Variants in DUOX2 observed in about 807,000 individuals in gnomAD.
The protein encoded by DUOX2 is NADH/NADPH thyroid oxidase p138-tox.
In DUOX2, 185 loss-of-function variants were observed where a neutral mutation model predicts 183.3. The observed-to-expected ratio is 1.01, with a 90% CI of 0.90 to 1.14. The LOEUF (loss-of-function observed/expected upper bound fraction) is 1.14, where lower values mean the gene tolerates loss of function less well. Among genes scored for constraint, DUOX2 ranks in the 50% most tolerant of loss-of-function variants. The pLI is 0.00. For missense variants in DUOX2, 1,999 were observed against 2,022.9 expected, an observed-to-expected ratio of 0.99 and a Z score of 0.23; for synonymous variants, 788 against 812.4, an observed-to-expected ratio of 0.97 and a Z score of 0.51.
At chr15:45,112,942 C>G in intron 3 of DUOX2, 45 bp downstream of exon 3, 1 of 1,606,046 alleles carries the variant, frequency 6.2e-7, no homozygotes, top group Non-Finnish European at 8.5e-7. Flanking sequence ...CGCCCCGGCC[C>G]TTCGCGAGCC....
rs1280484301 is a variant in DUOX2, at chr15:45,106,207, G to A, written c.2066C>T (p.Pro689Leu). 5 of 1,614,040 alleles carry A rather than the reference G, an allele frequency of 3.1e-6. No individual in the cohort carries two copies. The highest frequency in any genetic ancestry group is 1.3e-5 in the African/African-American group (1 of 74,918). ...CAGGATGAGGTTGACCTGCTGCAGA[G>A]GCTGCAGCTGGACCACACGGAGCAC... Reference protein sequence around the residue: ...LTVLRVVQLQPLQQVNLILSN... With the variant: ...LTVLRVVQLQLLQQVNLILSN... The change falls in exon 17 of 34, where the codon CCT (proline) becomes CTT (leucine). Residue 689 changes from proline to leucine, a missense_variant. This residue lies in a region of DUOX2 where 1,628 missense variants were observed against 1,608.6 expected (regional missense o/e 1.01). Transcript: ENST00000389039.
Position 45,111,431 on chromosome 15 carries a change from G to T in DUOX2, c.668C>A (p.Ala223Glu). 1 of 1,521,812 alleles carries T rather than the reference G, an allele frequency of 6.6e-7. No homozygotes were observed. The highest frequency in any genetic ancestry group is 8.8e-7 in the Non-Finnish European group (1 of 1,135,774). The allele number at this position is 1,521,812 out of a possible 1,614,324, so 94.3% of individuals were successfully genotyped here. A position where few individuals can be genotyped will look rare whatever the true frequency, so the allele number is the denominator to read the frequency against. Residue 223 changes from alanine to glutamate, a missense_variant, in exon 6 of 34, where the codon GCG (alanine) becomes GAG (glutamate). By Grantham distance (107) the Ala-to-Glu change is moderately radical. Coordinates refer to ENST00000389039, the MANE Select transcript of DUOX2 (RefSeq NM_001363711.2). ...CTGCCCGGTGGCGGGGTCGGGCGCCGCCCACATGAGCAGGGGGTTCTGCGA... is the reference window on the plus strand; with the variant it reads ...CTGCCCGGTGGCGGGGTCGGGCGCCTCCCACATGAGCAGGGGGTTCTGCGA... ...RDSQNPLLMW[A>E]APDPATGQNG...
rs752107473 is a variant in DUOX2, at chr15:45,095,594, A to C, written c.4082T>G (p.Leu1361Arg). The C allele has an allele frequency of 6.2e-7, 1 of 1,614,224 alleles. No individual in the cohort carries two copies. Among genetic ancestry groups the C allele is most frequent in the Non-Finnish European group, 8.5e-7 (1 of 1,180,036 alleles). ...CTCTCCAAACGGTCCATCAAGGTAC[A>C]GCTGCCAAGAGAGGGGGGAGATGAA... is the stretch of plus-strand genomic sequence containing the variant. Reference protein sequence around the residue: ...KGNGCAGYPKLYLDGPFGEGH... With the variant: ...KGNGCAGYPKRYLDGPFGEGH... The change falls in exon 31 of 34, where the codon CTG becomes CGG. Residue 1361 changes from leucine to arginine, a missense_variant and splice_region_variant. Physicochemically the swap from Leu to Arg is moderately radical, Grantham distance 102. Coordinates refer to ENST00000389039, the MANE Select transcript of DUOX2 (RefSeq NM_001363711.2).
intron 33 of DUOX2, 137 bp from the exon 34 acceptor site, chr15:45,094,409 G>C (rs1893845469): frequency 6.5e-6 from 10 of 1,529,214 alleles, no homozygotes; most frequent in Middle Eastern, 2.3e-4. Context: ...TAACGTGGAG[G>C]GGGTGGAAGT....
At chr15:45,095,326 C>T in intron 31 of DUOX2, 111 bp downstream of exon 31, 2 of 1,540,116 alleles carry the variant, frequency 1.3e-6, no homozygotes, top group Non-Finnish European at 9.0e-7. Flanking sequence ...AGAATGACCC[C>T]TTCAGACTCA....
At chr15:45,098,865 C>T (rs997227098) in intron 26 of DUOX2, among the ~76,000 whole-genome samples, 15 of 151,362 alleles carry the variant, frequency 9.9e-5, no homozygotes, top group Admixed American at 2.0e-4. Context: ...CACAATGCCC[C>T]GCTAATCTTT....
In DUOX2 at chr15:45,111,619, G is replaced by T. The variant is rs2576085; in HGVS notation, c.514-34C>A. The T allele has an allele frequency of 2.5e-3, 3,731 of 1,486,310 alleles. 59 individuals are homozygous for T. Among genetic ancestry groups the T allele is most frequent in the African/African-American group, 5.2e-3 (354 of 67,796 alleles). 92.1% of individuals were successfully genotyped at this position (1,486,310 alleles called of 1,614,324 possible). A position where few individuals can be genotyped will look rare whatever the true frequency, so the allele number is the denominator to read the frequency against. ...CACGCGGCGGGTGAGCCCGGGTCGAGAGGCGGCGGCGGGCCAGGGAAGGCC... is the reference window on the plus strand; with the variant it reads ...CACGCGGCGGGTGAGCCCGGGTCGATAGGCGGCGGCGGGCCAGGGAAGGCC... On this transcript the variant is annotated intron_variant, in intron 5 of 33. Transcript: ENST00000389039.
Position 45,095,026 on chromosome 15 carries a change from C to G in DUOX2, c.4305G>C (p.Glu1435Asp), listed in dbSNP as rs1329295600. The G allele has an allele frequency of 6.2e-7, 1 of 1,614,050 alleles. No individual in the cohort carries two copies. The highest frequency in any genetic ancestry group is 1.3e-5 in the African/African-American group (1 of 74,914). ...QFEWLADIIQ[E>D]VEENDHQDLV... Reference sequence around the variant, plus strand: ...GGTCCTGGTGGTCGTTCTCCTCCACCTCTTGGATGATGTCAGCCAGCCACT... The same window carrying G: ...GGTCCTGGTGGTCGTTCTCCTCCACGTCTTGGATGATGTCAGCCAGCCACT... Residue 1435 changes from glutamate to aspartate, a missense_variant, in exon 32 of 34, where the codon GAG (glutamate) becomes GAC (aspartate). Around this residue, in one of 3 missense-constraint regions of DUOX2, gnomAD observed 1,628 missense variants for 1,608.6 expected, o/e 1.01. Coordinates refer to ENST00000389039, the MANE Select transcript of DUOX2 (RefSeq NM_001363711.2).
Position 45,106,188 on chromosome 15 carries a change from G to A in DUOX2, c.2085C>T (p.Leu695=), listed in dbSNP as rs754741403. The change falls in exon 17 of 34, where the codon CTC becomes CTT. Residue 695 remains leucine (L), a synonymous_variant. Transcript: ENST00000389039. ...VQLQPLQQVN[L]ILSNNRGCRT... Reference sequence around the variant, plus strand: ...GGCATCCTCGGTTGTTGGACAGGATGAGGTTGACCTGCTGCAGAGGCTGCA... The same window carrying A: ...GGCATCCTCGGTTGTTGGACAGGATAAGGTTGACCTGCTGCAGAGGCTGCA... 3.1e-6 allele frequency: 5 copies of A among 1,614,222 alleles called. No homozygotes were observed. In the South Asian group the frequency reaches 4.4e-5, roughly 14 times the overall value.
rs781269490 is a variant in DUOX2 at position 45,099,867 on chromosome 15, C to T, written c.3210G>A (p.Ser1070=). ...AYYYGFASPP[S]DIAQTTLVGI... ...CCACGAGGGTGGTCTGTGCAATGTC[C>T]GAGGGTGGCGAGGCAAAGCCATAGT... The change falls in exon 25 of 34, where the codon TCG becomes TCA. Residue 1070 remains serine, a synonymous_variant. Transcript: ENST00000389039. 3.6e-5 allele frequency: 58 copies of T among 1,614,040 alleles called. No homozygotes were observed. The East Asian group carries it at 6.7e-4, about 19-fold the overall frequency.
At chr15:45,099,194 TA>T (rs1566972419) in intron 26 of DUOX2, 188 bp downstream of exon 26, 2 of 493,032 alleles carry the variant, frequency 4.1e-6, no homozygotes, top group Non-Finnish European at 7.5e-6. Context: ...GTATTTTTAG[TA>T]GAGACGGGGT....
intron 5 of DUOX2, 80 bp from the exon 6 acceptor site, chr15:45,111,665 G>A (rs1894416670): frequency 1.4e-6 from 2 of 1,444,112 alleles, no homozygotes; most frequent in Admixed American, 5.9e-5. Context: ...GGGTGTCCGC[G>A]GCTGGGGAGT....
chr15:45,112,684 G>A lies in DUOX2; in HGVS notation c.195C>T (p.Tyr65=). 3 of 1,612,612 alleles carry A rather than the reference G, an allele frequency of 1.9e-6. No individual in the cohort carries two copies. The highest frequency in any genetic ancestry group is 1.3e-5 in the African/African-American group (1 of 75,050). Residue 65 remains tyrosine, a synonymous_variant, in exon 4 of 34, where the codon TAC becomes TAT. Coordinates refer to ENST00000389039, the MANE Select transcript of DUOX2 (RefSeq NM_001363711.2). ...CRLQRRVPAN[Y]ADGVYQALEE... Reference sequence around the variant, plus strand: ...CCAGAGCCTGATACACACCGTCGGCGTAATTGGCTGGTACGCGGCGCTGCA... The same window carrying A: ...CCAGAGCCTGATACACACCGTCGGCATAATTGGCTGGTACGCGGCGCTGCA...
Position 45,095,507 on chromosome 15 carries a change from G to A in DUOX2, c.4169C>T (p.Thr1390Ile). 1 of 1,614,206 alleles carries A rather than the reference G, an allele frequency of 6.2e-7. No individual in the cohort carries two copies. Among genetic ancestry groups the A allele is most frequent in the South Asian group, 1.1e-5 (1 of 91,088 alleles). Residue 1390 changes from threonine to isoleucine, a missense_variant, in exon 31 of 34, where the codon ACC (threonine) becomes ATC (isoleucine). Physicochemically the swap from Thr to Ile is moderately conservative, Grantham distance 89 (BLOSUM62 -1). Around this residue, in one of 3 missense-constraint regions of DUOX2, gnomAD observed 1,628 missense variants for 1,608.6 expected, o/e 1.01. Coordinates refer to ENST00000389039, the MANE Select transcript of DUOX2 (RefSeq NM_001363711.2). ...SVLVGGGIGV[T>I]PFASILKDLV... ...GTCTTTGAGGATGGAGGCAAAGGGG[G>A]TGACCCCAATGCCCCCTCCCACCAA... is the stretch of plus-strand genomic sequence containing the variant.
chr15:45,110,762 T>A lies in DUOX2; in HGVS notation c.883-52A>T. The A allele has an allele frequency of 3.1e-6, 5 of 1,611,246 alleles. No homozygotes were observed. In the South Asian group the frequency reaches 5.5e-5, roughly 18 times the overall value. ...GGCACAAGTTGGATGGTGTGGGGCC[T>A]GGAAGGGTCTGAGCCCAAGGACGGC... is the stretch of plus-strand genomic sequence containing the variant. On this transcript the variant is annotated intron_variant, in intron 7 of 33. Coordinates refer to ENST00000389039, the MANE Select transcript of DUOX2 (RefSeq NM_001363711.2).
intron 16 of DUOX2, 65 bp from the exon 17 acceptor site, chr15:45,106,392 A>T (rs984886748): frequency 6.2e-7 from 1 of 1,602,878 alleles, no homozygotes; most frequent in Non-Finnish European, 8.5e-7. Flanking sequence ...CTTCAGGTCA[A>T]TTCCTCTGTG....
chr15:45,094,636 A>T lies in DUOX2; in HGVS notation c.4451T>A (p.Leu1484Gln), dbSNP rs1893852348. The T allele has an allele frequency of 1.2e-6, 2 of 1,614,140 alleles. No homozygotes were observed. The change falls in exon 33 of 34, where the codon CTG becomes CAG. Residue 1484 changes from leucine to glutamine, a missense_variant. Coordinates refer to ENST00000389039, the MANE Select transcript of DUOX2 (RefSeq NM_001363711.2). The part of the protein sequence containing the change: ...KVLNRSLFTG[L>Q]RSITHFGRPP... ...ACGGCCAAAGTGGGTGATGGAGCGC[A>T]GGCCCGTGAACAGACTCCGGTTCAG... is the stretch of plus-strand genomic sequence containing the variant.
In DUOX2 at chr15:45,106,253, C is replaced by T. The variant is rs775807156; in HGVS notation, c.2020G>A (p.Val674Ile). The T allele has an allele frequency of 6.2e-7, 1 of 1,614,092 alleles. No homozygotes were observed. Residue 674 changes from valine (V) to isoleucine (I), a missense_variant, in exon 17 of 34, where the codon GTC (valine) becomes ATC (isoleucine). Coordinates refer to ENST00000389039, the MANE Select transcript of DUOX2 (RefSeq NM_001363711.2). ...IQLLSDRCLQ[V>I]LNRHLTVLRV... ...AGCACAGTGAGATGCCTGTTCAGGA[C>T]CTGCAGACACCTGTCTGACAGCAGC... is the stretch of plus-strand genomic sequence containing the variant.
rs1222752423 is a variant in DUOX2, at chr15:45,100,069, C to T, written c.3165G>A (p.Val1055=). 1.9e-6 allele frequency: 3 copies of T among 1,614,250 alleles called. No homozygotes were observed. The change falls in exon 24 of 34, where the codon GTG becomes GTA. Residue 1055 remains valine (V), a synonymous_variant. Transcript: ENST00000389039. ...TCTTACAGTAAGCACGATCTGCAAA[C>T]ACGCCAACACAGATGGCCGAGAAGA... ...VAIFSAICVG[V]FADRAYYYGF... is the part of the protein sequence containing the mutation.
Sources: gnomAD v4.1 joint callset for allele counts (sites outside exome capture counted in the v4.1 genomes callset) on GRCh38, gnomAD v4.1.1 for gene constraint, gnomAD v4.1.1 regional missense constraint, MANE v1.5 for transcripts, NCBI Gene and HGNC (gene_info 2026-07-23, HGNC 2026-07-21) for gene names.